Variants in PTPRK observed in about 807,000 individuals in gnomAD.
PTPRK encodes the protein receptor-type tyrosine-protein phosphatase kappa.
PTPRK carries 75 observed loss-of-function variants against 178.0 expected under a neutral mutation model. That is an observed-to-expected ratio of 0.42 (90% CI 0.35 to 0.51). PTPRK has a LOEUF of 0.51. Ranked by LOEUF, PTPRK falls within the 20% of genes least tolerant of loss-of-function variation. PTPRK has a pLI of 0.02. For missense variants in PTPRK, 1,441 were observed against 1,797.8 expected (o/e 0.80, Z 3.59); for synonymous variants, 637 against 620.6 (o/e 1.03, Z -0.39).
chr6:128,239,126 T>C (rs1159222691), intron 5 of PTPRK, among the ~76,000 whole-genome samples: 3 of 94,940 alleles, frequency 3.2e-5, no homozygotes, highest in African/African-American at 2.4e-4. Flanking sequence ...ACTCATCTTG[T>C]TTTTTTTTTT....
At chr6:128,357,339 T>C (rs1345112790) in intron 2 of PTPRK, among the ~76,000 whole-genome samples, 1 of 152,192 alleles carries the variant, frequency 6.6e-6, no homozygotes, top group East Asian at 1.9e-4. Context: ...TTTTATATGA[T>C]ATCACAATAT....
chr6:128,274,992 C>T (rs1024582944), intron 3 of PTPRK, among the ~76,000 whole-genome samples: 1 of 151,946 alleles, frequency 6.6e-6, no homozygotes, highest in Non-Finnish European at 1.5e-5. Context: ...AAGTTATGCT[C>T]CTGTTTCCAA....
intron 7 of PTPRK, among the ~76,000 whole-genome samples, chr6:128,116,804 G>C (rs1791598534): frequency 6.6e-6 from 1 of 152,174 alleles, no homozygotes; most frequent in South Asian, 2.1e-4. Context: ...TTTATGAAGA[G>C]ACAAAATTGT....
chr6:128,066,091 C>A (rs1781705079), intron 12 of PTPRK, among the ~76,000 whole-genome samples: 1 of 152,144 alleles, frequency 6.6e-6, no homozygotes, highest in Non-Finnish European at 1.5e-5. Context: ...GACCAAATAA[C>A]CAAAGTTAAT....
intron 5 of PTPRK, among the ~76,000 whole-genome samples, chr6:128,232,897 T>A (rs1583602445): frequency 6.6e-6 from 1 of 152,224 alleles, no homozygotes; most frequent in African/African-American, 2.4e-5. Flanking sequence ...TTGCATTGCA[T>A]TGTTTTTTCT....
intron 13 of PTPRK, among the ~76,000 whole-genome samples, chr6:128,056,651 C>T (rs1391427749): frequency 6.6e-6 from 1 of 152,002 alleles, no homozygotes; most frequent in Non-Finnish European, 1.5e-5. Context: ...GTCTCGAAGT[C>T]CTGACCTTGT....
At chr6:128,010,106 C>T (rs988649741) in intron 13 of PTPRK, among the ~76,000 whole-genome samples, 2 of 151,152 alleles carry the variant, frequency 1.3e-5, no homozygotes, top group East Asian at 1.9e-4. Flanking sequence ...TACACTTTAT[C>T]GATAAAGGAA....
intron 4 of PTPRK, chr6:128,241,165 C>A: frequency 2.0e-6 from 1 of 492,966 alleles, no homozygotes. Flanking sequence ...ATTTACCAAC[C>A]ACCACGTGGT....
chr6:128,394,783 T>C (rs958101929), intron 2 of PTPRK, among the ~76,000 whole-genome samples: 1 of 152,184 alleles, frequency 6.6e-6, no homozygotes, highest in Non-Finnish European at 1.5e-5. Context: ...TCCTCATGAA[T>C]AGAAACAATT....
intron 3 of PTPRK, among the ~76,000 whole-genome samples, chr6:128,293,321 G>T (rs925537095): frequency 3.3e-5 from 5 of 152,008 alleles, no homozygotes; most frequent in Non-Finnish European, 7.4e-5. Context: ...TTCCAAGATG[G>T]TGACTTGTTG....
chr6:128,429,339 C>A (rs187372064), intron 1 of PTPRK, among the ~76,000 whole-genome samples: 189 of 152,320 alleles, frequency 1.2e-3, no homozygotes, highest in South Asian at 3.1e-3. Context: ...GGTGACAGAG[C>A]TGACAGGGGC....
chr6:128,219,075 G>A lies in PTPRK; in HGVS notation c.715C>T (p.Pro239Ser), dbSNP rs1809894837. ...WLQRRNGEDI[P>S]VAQTKNINHR... ...TTGATGTTCTTAGTCTGGGCTACTG[G>A]TATATCTTCTCCATTTCGTCTCTGC... Residue 239 changes from proline to serine, a missense_variant, in exon 6 of 30, where the codon CCA becomes TCA. Around this residue, in one of 4 missense-constraint regions of PTPRK, gnomAD observed 945 missense variants for 1,080.6 expected, o/e 0.87. Coordinates refer to ENST00000368226, the MANE Select transcript of PTPRK (RefSeq NM_002844.4). 1 of 1,613,342 alleles carries A rather than the reference G, an allele frequency of 6.2e-7. No individual in the cohort carries two copies. Among genetic ancestry groups the A allele is most frequent in the Non-Finnish European group, 8.5e-7 (1 of 1,179,572 alleles).
chr6:128,404,414 T>C (rs1841409417), intron 1 of PTPRK, among the ~76,000 whole-genome samples: 1 of 152,248 alleles, frequency 6.6e-6, no homozygotes, highest in South Asian at 2.1e-4. Flanking sequence ...TCTCCTACTA[T>C]GCTTCACTAG....
chr6:128,027,182 T>C (rs903693294), intron 13 of PTPRK, among the ~76,000 whole-genome samples: 4 of 152,176 alleles, frequency 2.6e-5, no homozygotes, highest in Non-Finnish European at 5.9e-5. Context: ...ATCAAAGTAT[T>C]TTGAAGTAAA....
At chr6:128,089,653 G>A in intron 8 of PTPRK, 37 bp downstream of exon 8, 1 of 1,531,988 alleles carries the variant, frequency 6.5e-7, no homozygotes, top group Non-Finnish European at 9.0e-7. Flanking sequence ...TCTTGTTAGA[G>A]AATTCCCCCC....
intron 16 of PTPRK, 97 bp downstream of exon 16, chr6:127,998,623 C>T (rs767114133): frequency 3.1e-6 from 3 of 979,156 alleles, no homozygotes; most frequent in African/African-American, 3.3e-5. Flanking sequence ...TAGAACAATC[C>T]CCTCCTTGTT....
At chr6:128,124,296 C>T (rs1792972689) in intron 7 of PTPRK, among the ~76,000 whole-genome samples, 1 of 152,148 alleles carries the variant, frequency 6.6e-6, no homozygotes, top group South Asian at 2.1e-4. Context: ...GACCCACCCA[C>T]CACGGCCTCC....
chr6:128,226,793 TA>T (rs1562825714), intron 5 of PTPRK, among the ~76,000 whole-genome samples: 2 of 140,222 alleles, frequency 1.4e-5, no homozygotes, highest in African/African-American at 2.8e-5. Flanking sequence ...TATATATATA[TA>T]TATATTTCAA....
chr6:128,249,840 A>G (rs1286230813), intron 3 of PTPRK, among the ~76,000 whole-genome samples: 3 of 152,192 alleles, frequency 2.0e-5, no homozygotes, highest in African/African-American at 7.2e-5. Flanking sequence ...GTTGAAAGAA[A>G]AAAAAACTCG....
Sources: allele counts gnomAD v4.1 joint callset (sites outside exome capture counted in the v4.1 genomes callset), GRCh38; gene constraint gnomAD v4.1.1; regional missense constraint gnomAD v4.1.1; transcripts MANE v1.5; gene names NCBI Gene and HGNC (gene_info 2026-07-23, HGNC 2026-07-21).